The following CXCR6 variants were observed in gnomAD, a reference collection of about 807,000 sequenced individuals.
CXCR6 encodes C-X-C motif chemokine receptor 6.
CXCR6 carries 3 observed loss-of-function variants against 1.6 expected under a neutral mutation model. The observed-to-expected ratio is 1.83, with a 90% confidence interval of 0.83 to 4.72. The LOEUF is 4.72. CXCR6 is among the 30% of genes most tolerant of loss of function. CXCR6 has a pLI of 0.02. For synonymous variants in CXCR6, 171 were observed against 159.2 expected (o/e 1.07, Z -0.56); for missense variants, 326 against 414.8 (o/e 0.79, Z 1.86).
intron 1 of CXCR6, among the ~76,000 whole-genome samples, chr3:45,944,727 A>C (rs3774635): frequency 0.38 from 57,122 of 152,018 alleles, 11,686 homozygotes; most frequent in East Asian, 0.66. Context: ...TCCTTTGAGG[A>C]AATGTGTAAT....
At position 45,947,934 on chromosome 3, in the gene CXCR6, G is replaced by C. The variant is rs184094257; in HGVS notation, c.*424G>C. On this transcript the variant is annotated 3_prime_UTR_variant, in exon 2 of 2. Transcript: ENST00000304552. ...ACTACTGGGCAAAGAGTGTAGATCA[G>C]AGCAGCAGTGAAAACAAGTGCTGGC... is the stretch of plus-strand genomic sequence containing the variant. The C allele has an allele frequency of 4.7e-5, 8 of 171,146 alleles. No homozygotes were observed. In the East Asian group the frequency reaches 5.2e-4, roughly 11 times the overall value. 10.6% of individuals were successfully genotyped at this position (171,146 alleles called of 1,614,324 possible). A position where few individuals can be genotyped will look rare whatever the true frequency, so the allele number is the denominator to read the frequency against.
Position 45,947,560 on chromosome 3 carries a change from G to GT in CXCR6, c.*51dup. On this transcript the variant is annotated 3_prime_UTR_variant, in exon 2 of 2. Transcript: ENST00000304552. ...GCTCTGGAATTTGCAAGTCATGGCT[G>GT]TGCCCTCTTGATGTGGTGAGGCAGG... is the stretch of plus-strand genomic sequence containing the variant. 7.0e-7 allele frequency: 1 copy of GT among 1,418,668 alleles called. No individual in the cohort carries two copies. The highest frequency in any genetic ancestry group is 9.9e-7 in the Non-Finnish European group (1 of 1,011,486). The allele number at this position is 1,418,668 out of a possible 1,614,324, so 87.9% of individuals were successfully genotyped here.
intron 1 of CXCR6, among the ~76,000 whole-genome samples, 154 bp downstream of exon 1, chr3:45,943,694 G>A (rs1320788355): frequency 1.3e-5 from 2 of 152,138 alleles, no homozygotes; most frequent in African/African-American, 4.8e-5. Flanking sequence ...TTCCATCACT[G>A]CCATTTGCTG....
Position 45,947,600 on chromosome 3 carries a change from T to G in CXCR6, c.*90T>G. On this transcript the variant is annotated 3_prime_UTR_variant, in exon 2 of 2. Transcript: ENST00000304552. ...GGTGAGGCAGGCTTTGTTTATAGCT[T>G]GCGCATTCTCATGGAGAAGTTATCA... is the stretch of plus-strand genomic sequence containing the variant. The G allele has an allele frequency of 9.9e-7, 1 of 1,010,728 alleles. No individual in the cohort carries two copies. The highest frequency in any genetic ancestry group is 1.5e-6 in the Non-Finnish European group (1 of 666,502). The allele number at this position is 1,010,728 out of a possible 1,614,324, so 62.6% of individuals were successfully genotyped here. A position where few individuals can be genotyped will look rare whatever the true frequency, so the allele number is the denominator to read the frequency against.
chr3:45,944,068 C>T (rs1375837324), intron 1 of CXCR6, among the ~76,000 whole-genome samples: 3 of 152,192 alleles, frequency 2.0e-5, no homozygotes, highest in Admixed American at 6.5e-5. Flanking sequence ...TCTAAAAGTA[C>T]GGTCAGTTAA....
At chr3:45,944,923 C>G (rs1043410481) in intron 1 of CXCR6, 2 of 152,200 alleles carry the variant, frequency 1.3e-5, no homozygotes, top group African/African-American at 4.8e-5. Context: ...ATCTGACCTA[C>G]TTAATACAGT....
At chr3:45,943,070 C>T (rs966646053), upstream of CXCR6, among the ~76,000 whole-genome samples, 1 of 152,224 alleles carries the variant, frequency 6.6e-6, no homozygotes, top group Non-Finnish European at 1.5e-5. Flanking sequence ...ACAGCTATCA[C>T]ATATGCTGGA....
At chr3:45,943,158 C>A (rs1704340003), upstream of CXCR6, among the ~76,000 whole-genome samples, 1 of 152,192 alleles carries the variant, frequency 6.6e-6, no homozygotes, top group African/African-American at 2.4e-5. Context: ...AAAAAGATGT[C>A]TGACTAGTGA....
At chr3:45,941,340 G>A (rs1575339530), upstream of CXCR6, 4 of 152,176 alleles carry the variant, frequency 2.6e-5, no homozygotes, top group East Asian at 7.7e-4. Flanking sequence ...AGATAAATCT[G>A]CAGCAGGTAT....
At chr3:45,941,597 G>C (rs1704229589), upstream of CXCR6, among the ~76,000 whole-genome samples, 1 of 152,172 alleles carries the variant, frequency 6.6e-6, no homozygotes, top group South Asian at 2.1e-4. Flanking sequence ...CTCAAATTTA[G>C]GTGAAAGTCT....
In CXCR6 at chr3:45,947,814, G is replaced by A; in HGVS notation, c.*304G>A. ...CTATGATCTCAGGTTCTCCTTGATT[G>A]GGACTGGGGCTGAAGGTTGAAGAGG... On this transcript the variant is annotated 3_prime_UTR_variant, in exon 2 of 2. Coordinates refer to ENST00000304552, the MANE Select transcript of CXCR6 (RefSeq NM_006564.2). The A allele has an allele frequency of 2.8e-6, 1 of 363,262 alleles. No individual in the cohort carries two copies. Among genetic ancestry groups the A allele is most frequent in the South Asian group, 3.7e-5 (1 of 26,892 alleles). The allele number at this position is 363,262 out of a possible 1,614,324, so 22.5% of individuals were successfully genotyped here.
chr3:45,942,018 G>A (rs56371635), upstream of CXCR6, among the ~76,000 whole-genome samples: 452 of 152,302 alleles, frequency 3.0e-3, 1 homozygote, highest in African/African-American at 6.9e-3. Flanking sequence ...TCTGTCCATC[G>A]GTATGTAGTC....
Position 45,946,534 on chromosome 3 carries a change from G to A in CXCR6, c.53G>A (p.Ser18Asn), listed in dbSNP as rs771852091. 1.2e-6 allele frequency: 2 copies of A among 1,614,076 alleles called. No individual in the cohort carries two copies. Among genetic ancestry groups the A allele is most frequent in the Non-Finnish European group, 1.7e-6 (2 of 1,180,024 alleles). The change falls in exon 2 of 2, where the codon AGC becomes AAC. Residue 18 changes from serine (S) to asparagine (N), a missense_variant. Ser to Asn is a conservative substitution (Grantham distance 46). Transcript: ENST00000304552. ...EDYGFSSFND[S>N]SQEEHQDFLQ... ...TATGGGTTCAGCAGTTTCAATGACA[G>A]CAGCCAGGAGGAGCATCAAGACTTC... is the stretch of plus-strand genomic sequence containing the variant.
chr3:45,947,498 G>A lies in CXCR6; in HGVS notation c.1017G>A (p.Met339Ile). ...SASHNVEATSMFQL is the reference protein window; with the variant it reads ...SASHNVEATSIFQL ...CCCACAATGTGGAGGCCACCAGCAT[G>A]TTCCAGTTATAGGCCTTGCCAGGGT... The change falls in exon 2 of 2, where the codon ATG becomes ATA. Residue 339 changes from methionine (M) to isoleucine (I), a missense_variant. Coordinates refer to ENST00000304552, the MANE Select transcript of CXCR6 (RefSeq NM_006564.2). 6.2e-7 allele frequency: 1 copy of A among 1,613,542 alleles called. No individual in the cohort carries two copies. The highest frequency in any genetic ancestry group is 1.7e-5 in the Admixed American group (1 of 59,998).
intron 1 of CXCR6, among the ~76,000 whole-genome samples, chr3:45,943,975 T>TA (rs1468680759): frequency 1.3e-5 from 2 of 152,140 alleles, no homozygotes; most frequent in East Asian, 1.9e-4. Context: ...AAAACTATTT[T>TA]AAAAAAAGGA....
At position 45,947,887 on chromosome 3, in the gene CXCR6, C is replaced by A; in HGVS notation, c.*377C>A. The A allele has an allele frequency of 4.3e-6, 1 of 234,806 alleles. No homozygotes were observed. Among genetic ancestry groups the A allele is most frequent in the Non-Finnish European group, 9.1e-6 (1 of 110,096 alleles). 14.5% of individuals were successfully genotyped at this position (234,806 alleles called of 1,614,324 possible). ...TGATGGTAGGTGGCACACTGGGTGC[C>A]CAAGCTCAGAAGGCTCTTCTGACTA... On this transcript the variant is annotated 3_prime_UTR_variant, in exon 2 of 2. Coordinates refer to ENST00000304552, the MANE Select transcript of CXCR6 (RefSeq NM_006564.2).
At chr3:45,945,555 G>A (rs1326884184) in intron 1 of CXCR6, 1 of 152,142 alleles carries the variant, frequency 6.6e-6, no homozygotes, top group Non-Finnish European at 1.5e-5. Context: ...ATTTCAATTG[G>A]GTTTTCTGCT....
At position 45,948,103 on chromosome 3, in the gene CXCR6, A is replaced by G. The variant is rs552334052; in HGVS notation, c.*593A>G. 2.8e-3 allele frequency: 476 copies of G among 167,584 alleles called. No homozygotes were observed. The highest frequency in any genetic ancestry group is 4.5e-3 in the Non-Finnish European group (311 of 68,386). The allele number at this position is 167,584 out of a possible 1,614,324, so 10.4% of individuals were successfully genotyped here. ...TGAATGGGCAAAACTGAATTATAAG[A>G]GGCTGATAATTCCAGTGGTCCATGG... On this transcript the variant is annotated 3_prime_UTR_variant, in exon 2 of 2. Coordinates refer to ENST00000304552, the MANE Select transcript of CXCR6 (RefSeq NM_006564.2).
chr3:45,948,022 A>G lies in CXCR6; in HGVS notation c.*512A>G, dbSNP rs1375658092. 2 of 171,090 alleles carry G rather than the reference A, an allele frequency of 1.2e-5. No individual in the cohort carries two copies. The highest frequency in any genetic ancestry group is 2.4e-5 in the African/African-American group (1 of 41,470). 10.6% of individuals were successfully genotyped at this position (171,090 alleles called of 1,614,324 possible). A position where few individuals can be genotyped will look rare whatever the true frequency, so the allele number is the denominator to read the frequency against. ...CCTCACCTTGGGGCTTGACTTTTGT[A>G]TAGGTAGATGTTCAGATTGCTTTGA... On this transcript the variant is annotated 3_prime_UTR_variant, in exon 2 of 2. Coordinates refer to ENST00000304552, the MANE Select transcript of CXCR6 (RefSeq NM_006564.2).
Sources: gnomAD v4.1 joint callset for allele counts (sites outside exome capture counted in the v4.1 genomes callset) on GRCh38, gnomAD v4.1.1 for gene constraint, MANE v1.5 for transcripts, NCBI Gene and HGNC (gene_info 2026-07-23, HGNC 2026-07-21) for gene names.